The following LSAMP variants were observed in gnomAD, a reference collection of about 807,000 sequenced individuals.
LSAMP encodes the protein limbic system-associated membrane protein.
In LSAMP, 7 loss-of-function variants were observed where a neutral mutation model predicts 38.6. The observed-to-expected ratio is 0.18, with a 90% CI of 0.10 to 0.34. LSAMP has a LOEUF of 0.34. Among genes scored for constraint, LSAMP ranks in the 10% least tolerant of loss-of-function variants. LSAMP has a pLI of 1.00. For missense variants in LSAMP, 313 were observed against 420.0 expected, an observed-to-expected ratio of 0.75 and a Z score of 2.23; for synonymous variants, 154 against 166.8, an observed-to-expected ratio of 0.92 and a Z score of 0.59.
intron 3 of LSAMP, among the ~76,000 whole-genome samples, chr3:115,938,115 T>C (rs954585171): frequency 6.6e-6 from 1 of 152,172 alleles, no homozygotes; most frequent in Non-Finnish European, 1.5e-5. Flanking sequence ...AAACACTGCA[T>C]TCATATTATT....
chr3:116,130,273 T>C (rs1709095388), intron 1 of LSAMP, among the ~76,000 whole-genome samples: 1 of 152,186 alleles, frequency 6.6e-6, no homozygotes, highest in Non-Finnish European at 1.5e-5. Context: ...CTTCGGAAGG[T>C]CATTTGGCTA....
At chr3:116,359,047 G>C (rs1172294345) in intron 1 of LSAMP, among the ~76,000 whole-genome samples, 1 of 152,034 alleles carries the variant, frequency 6.6e-6, no homozygotes, top group East Asian at 1.9e-4. Context: ...TAGTTTCTAC[G>C]AAAGAAAAGT....
intron 1 of LSAMP, among the ~76,000 whole-genome samples, chr3:116,110,181 A>G (rs1435160544): frequency 2.0e-5 from 3 of 148,288 alleles, no homozygotes; most frequent in Non-Finnish European, 1.5e-5. Flanking sequence ...CAAGGAGAGA[A>G]GGGGTTGGGG....
intron 1 of LSAMP, among the ~76,000 whole-genome samples, chr3:116,397,255 A>G (rs2107820869): frequency 6.6e-6 from 1 of 152,216 alleles, no homozygotes; most frequent in Admixed American, 6.5e-5. Flanking sequence ...TCCACTTTAG[A>G]CATGTGGGCT....
intron 3 of LSAMP, among the ~76,000 whole-genome samples, chr3:115,904,480 C>A (rs970811838): frequency 2.0e-5 from 3 of 151,948 alleles, no homozygotes; most frequent in Non-Finnish European, 4.4e-5. Flanking sequence ...ATAATAAAAA[C>A]AATACAAATT....
chr3:116,027,026 G>T (rs1940806939), intron 2 of LSAMP, among the ~76,000 whole-genome samples: 1 of 152,204 alleles, frequency 6.6e-6, no homozygotes, highest in Non-Finnish European at 1.5e-5. Flanking sequence ...ATAAATTTTT[G>T]ACAAACAACA....
chr3:115,913,841 A>G (rs1294893119), intron 3 of LSAMP, among the ~76,000 whole-genome samples: 1 of 152,178 alleles, frequency 6.6e-6, no homozygotes, highest in African/African-American at 2.4e-5. Context: ...GATGCCTGGC[A>G]CAGAGTAAGG....
At chr3:116,034,819 T>C (rs1485431668) in intron 2 of LSAMP, among the ~76,000 whole-genome samples, 8 of 152,192 alleles carry the variant, frequency 5.3e-5, no homozygotes, top group Non-Finnish European at 2.9e-5. Flanking sequence ...TTCCATGTTA[T>C]GAAAATTGAA....
rs902919827 is a variant in LSAMP at position 115,971,050 on chromosome 3, G to A, written c.514+48465C>T. On this transcript the variant is annotated intron_variant, in intron 3 of 6. Coordinates refer to ENST00000490035, the MANE Select transcript of LSAMP (RefSeq NM_002338.5). ...CAGCTTCTCCAAGGCATGCCAGGGC[G>A]AGAAAGTTCAAGTGCTGATTCAGAT... Among the ~76,000 whole-genome samples the A allele has an allele frequency of 4.6e-5, 7 of 152,246 alleles. No individual in the cohort carries two copies. In the South Asian group the frequency reaches 8.3e-4, roughly 18 times the overall value.
At chr3:115,855,515 A>T (rs1239441913) in intron 3 of LSAMP, among the ~76,000 whole-genome samples, 2 of 152,202 alleles carry the variant, frequency 1.3e-5, no homozygotes, top group Non-Finnish European at 2.9e-5. Context: ...TTCTCCTGTG[A>T]TAGCTCTCCT....
At chr3:116,228,470 A>G (rs1297300730) in intron 1 of LSAMP, among the ~76,000 whole-genome samples, 1 of 152,046 alleles carries the variant, frequency 6.6e-6, no homozygotes, top group Non-Finnish European at 1.5e-5. Flanking sequence ...CTGGATATCA[A>G]TTTCCTCATA....
chr3:116,019,301 G>A (rs572845871), intron 3 of LSAMP, among the ~76,000 whole-genome samples: 22 of 152,064 alleles, frequency 1.4e-4, no homozygotes, highest in African/African-American at 4.1e-4. Flanking sequence ...AGATTAACAC[G>A]TTAGCAAAGA....
At chr3:115,945,232 T>C (rs1307204629) in intron 3 of LSAMP, among the ~76,000 whole-genome samples, 1 of 152,160 alleles carries the variant, frequency 6.6e-6, no homozygotes, top group African/African-American at 2.4e-5. Context: ...ATGGCTTACA[T>C]ACATTCCCAA....
rs558390908 is a variant in LSAMP, at chr3:115,963,337, G to T, written c.514+56178C>A. Among the ~76,000 whole-genome samples, 41 of 152,298 alleles carry T rather than the reference G, an allele frequency of 2.7e-4. No individual in the cohort carries two copies. In the South Asian group the frequency reaches 3.1e-3, roughly 12 times the overall value. On this transcript the variant is annotated intron_variant, in intron 3 of 6. Transcript: ENST00000490035. Reference sequence around the variant, plus strand: ...CAAATTAGGGAATCCTTTGAGAATTGCCTTCACATGCTTATTTATTCTTTT... The same window carrying T: ...CAAATTAGGGAATCCTTTGAGAATTTCCTTCACATGCTTATTTATTCTTTT...
At chr3:116,298,738 C>A (rs2047368514) in intron 1 of LSAMP, among the ~76,000 whole-genome samples, 1 of 152,110 alleles carries the variant, frequency 6.6e-6, no homozygotes, top group African/African-American at 2.4e-5. Context: ...AAATAATTTT[C>A]AAGTTGGGCT....
At chr3:116,165,859 T>C (rs1022931099) in intron 1 of LSAMP, among the ~76,000 whole-genome samples, 8 of 152,198 alleles carry the variant, frequency 5.3e-5, no homozygotes, top group African/African-American at 1.2e-4. Context: ...AATTGGCTTC[T>C]TCTCATCTTA....
intron 1 of LSAMP, among the ~76,000 whole-genome samples, chr3:116,258,646 A>G (rs2046786947): frequency 6.6e-6 from 1 of 152,132 alleles, no homozygotes; most frequent in Non-Finnish European, 1.5e-5. Flanking sequence ...AGTGAGGTCC[A>G]CAGTTTGAAT....
intron 3 of LSAMP, among the ~76,000 whole-genome samples, chr3:115,870,762 T>A (rs1936010625): frequency 6.6e-6 from 1 of 152,196 alleles, no homozygotes; most frequent in South Asian, 2.1e-4. Flanking sequence ...TATTTCAGCA[T>A]GTATCCTGAG....
chr3:116,434,888 C>T (rs959785731), intron 1 of LSAMP, among the ~76,000 whole-genome samples: 18 of 152,040 alleles, frequency 1.2e-4, no homozygotes, highest in Non-Finnish European at 2.4e-4. Context: ...TTTGAAGGAT[C>T]GAGTGACATT....
Sources: allele counts gnomAD v4.1 joint callset (sites outside exome capture counted in the v4.1 genomes callset), GRCh38; gene constraint gnomAD v4.1.1; transcripts MANE v1.5; gene names NCBI Gene and HGNC (gene_info 2026-07-23, HGNC 2026-07-21).